C12orf75: variants seen among roughly 807,000 people sequenced by gnomAD.
C12orf75 encodes overexpressed in colon carcinoma 1 protein.
C12orf75 carries 4 observed loss-of-function variants against 11.4 expected under a neutral mutation model. The observed-to-expected ratio is 0.35, with a 90% CI of 0.17 to 0.80. The LOEUF is 0.80. Ranked by LOEUF, C12orf75 falls within the 30% of genes least tolerant of loss-of-function variation. C12orf75 has a pLI of 0.52. For missense variants in C12orf75, 89 were observed against 80.4 expected (o/e 1.11, Z -0.41); for synonymous variants, 30 against 30.0 (o/e 1.00, Z 0.00).
In C12orf75 at chr12:105,330,839, C is replaced by T; in HGVS notation, c.-53C>T. The T allele has an allele frequency of 8.0e-7, 1 of 1,245,524 alleles. No homozygotes were observed. The highest frequency in any genetic ancestry group is 1.6e-5 in the African/African-American group (1 of 64,056). 77.2% of individuals were successfully genotyped at this position (1,245,524 alleles called of 1,614,324 possible). The stretch of plus-strand genomic sequence containing the variant: ...CCGCCCTTCGTCTGGGTCTCCGCCC[C>T]CAGGACCCGCGGCCGAGAGCTCCGG... On this transcript the variant is annotated 5_prime_UTR_variant, in exon 1 of 6. Transcript: ENST00000443585.
intron 1 of C12orf75, among the ~76,000 whole-genome samples, chr12:105,334,249 T>A (rs1268308193): frequency 6.6e-6 from 1 of 152,210 alleles, no homozygotes; most frequent in African/African-American, 2.4e-5. Flanking sequence ...AGGGCAACGC[T>A]GGGGGCAGCC....
intron 5 of C12orf75, among the ~76,000 whole-genome samples, chr12:105,368,140 A>G (rs9989027): frequency 0.25 from 37,974 of 152,146 alleles, 6,249 homozygotes; most frequent in East Asian, 0.67. Flanking sequence ...AACAACGACA[A>G]GAGAAAAATA....
intron 1 of C12orf75, among the ~76,000 whole-genome samples, chr12:105,336,317 T>C (rs112962317): frequency 0.015 from 2,228 of 152,290 alleles, 25 homozygotes; most frequent in Non-Finnish European, 0.022. Context: ...CAAGTACAAA[T>C]CCTACATTTG....
chr12:105,346,420 A>G (rs1255001565), intron 1 of C12orf75, among the ~76,000 whole-genome samples: 3 of 152,204 alleles, frequency 2.0e-5, no homozygotes, highest in Admixed American at 1.3e-4. Flanking sequence ...CTTGACTCTA[A>G]AATAAAACGT....
intron 1 of C12orf75, among the ~76,000 whole-genome samples, chr12:105,345,272 T>C (rs1186898473): frequency 6.6e-6 from 1 of 152,094 alleles, no homozygotes; most frequent in Admixed American, 6.5e-5. Flanking sequence ...TTGGATTGCC[T>C]CTGCTCAGGA....
At chr12:105,368,888 T>A (rs1005843111) in intron 5 of C12orf75, among the ~76,000 whole-genome samples, 1 of 152,158 alleles carries the variant, frequency 6.6e-6, no homozygotes. Context: ...TCTTGGGAGG[T>A]CACTGGAGAG....
At chr12:105,332,296 C>T (rs577268177) in intron 1 of C12orf75, among the ~76,000 whole-genome samples, 1 of 152,112 alleles carries the variant, frequency 6.6e-6, no homozygotes, top group African/African-American at 2.4e-5. Flanking sequence ...AAAAGTTATC[C>T]ACATTAAAAA....
In C12orf75 at chr12:105,331,013, G is replaced by C. The variant is rs1222754379; in HGVS notation, c.46+76G>C. ...GGGAAGGAAGGGTGCAGGGATCTTG[G>C]GTGGGGGGCGCGCAGCCCCCTCTCC... On this transcript the variant is annotated intron_variant, in intron 1 of 5. Coordinates refer to ENST00000443585, the MANE Select transcript of C12orf75 (RefSeq NM_001145199.2). 1.1e-5 allele frequency: 10 copies of C among 926,370 alleles called. No homozygotes were observed. The South Asian group carries it at 4.3e-4, about 40-fold the overall frequency. 57.4% of individuals were successfully genotyped at this position (926,370 alleles called of 1,614,324 possible).
intron 1 of C12orf75, among the ~76,000 whole-genome samples, chr12:105,331,607 CA>C (rs1354058346): frequency 6.6e-6 from 1 of 151,946 alleles, no homozygotes; most frequent in African/African-American, 2.4e-5. Flanking sequence ...CACACACACA[CA>C]CACACACACA....
intron 2 of C12orf75, among the ~76,000 whole-genome samples, chr12:105,359,180 G>C (rs1030716238): frequency 6.6e-6 from 1 of 152,142 alleles, no homozygotes; most frequent in Non-Finnish European, 1.5e-5. Context: ...TCAATGCTTG[G>C]GGCCAGGCCA....
chr12:105,344,342 C>T (rs1235564505), intron 1 of C12orf75, among the ~76,000 whole-genome samples: 1 of 152,180 alleles, frequency 6.6e-6, no homozygotes, highest in Non-Finnish European at 1.5e-5. Context: ...TCTGATTCCA[C>T]ACTGTTCTTA....
intron 2 of C12orf75, among the ~76,000 whole-genome samples, chr12:105,359,594 GACCCCGTCTGTACTAAAAAT>G (rs1892832139): frequency 6.6e-6 from 1 of 151,780 alleles, no homozygotes; most frequent in Non-Finnish European, 1.5e-5. Flanking sequence ...AACATGGTGA[GACCCCGTCTGTACTAAAAAT>G]ACAAAAATTA....
intron 5 of C12orf75, among the ~76,000 whole-genome samples, chr12:105,368,689 A>G (rs1871551141): frequency 6.6e-6 from 1 of 152,180 alleles, no homozygotes; most frequent in Non-Finnish European, 1.5e-5. Flanking sequence ...GGGATTACAG[A>G]CTAATTTCAC....
chr12:105,330,987 C>T (rs901937237), intron 1 of C12orf75, 50 bp downstream of exon 1: 2 of 1,092,316 alleles, frequency 1.8e-6, no homozygotes, highest in Non-Finnish European at 2.3e-6. Context: ...GGAGAGGCGG[C>T]GGGAAGGAAG....
intron 1 of C12orf75, among the ~76,000 whole-genome samples, chr12:105,340,553 C>G (rs1241238443): frequency 6.6e-6 from 1 of 151,974 alleles, no homozygotes; most frequent in Non-Finnish European, 1.5e-5. Flanking sequence ...TAGTTTCCCT[C>G]CAGATACTCA....
At chr12:105,367,980 A>C (rs1407394569) in intron 5 of C12orf75, among the ~76,000 whole-genome samples, 1 of 152,232 alleles carries the variant, frequency 6.6e-6, no homozygotes, top group Non-Finnish European at 1.5e-5. Context: ...CCAAACACTT[A>C]ATATTGATTC....
intron 1 of C12orf75, among the ~76,000 whole-genome samples, chr12:105,332,735 T>TA (rs34772007): frequency 0.26 from 36,019 of 138,682 alleles, 5,871 homozygotes; most frequent in East Asian, 0.65. Flanking sequence ...CCGCTCCATC[T>TA]AAAAAAAAAA....
intron 1 of C12orf75, among the ~76,000 whole-genome samples, chr12:105,331,147 G>A (rs1258216203): frequency 1.3e-5 from 2 of 151,984 alleles, no homozygotes; most frequent in South Asian, 2.1e-4. Context: ...GAGCCTGCGG[G>A]GCGTCTCTGC....
intron 5 of C12orf75, among the ~76,000 whole-genome samples, chr12:105,368,230 T>G (rs902371697): frequency 1.3e-5 from 2 of 152,168 alleles, no homozygotes; most frequent in African/African-American, 4.8e-5. Flanking sequence ...AGAATCTTAG[T>G]TCACTGGGTC....
Sources: allele counts gnomAD v4.1 joint callset (sites outside exome capture counted in the v4.1 genomes callset), GRCh38; gene constraint gnomAD v4.1.1; transcripts MANE v1.5; gene names NCBI Gene and HGNC (gene_info 2026-07-23, HGNC 2026-07-21).